Variants in PNPT1 observed in about 807,000 individuals in gnomAD.
PNPT1 encodes polyribonucleotide nucleotidyltransferase 1.
A neutral mutation model predicts 119.5 loss-of-function variants in PNPT1; 53 were observed. The observed-to-expected ratio is 0.44, with a 90% CI of 0.36 to 0.56. PNPT1 has a LOEUF of 0.56. PNPT1 is among the 20% of genes least tolerant of loss of function. PNPT1 has a pLI of 0.00. For missense variants in PNPT1, 948 were observed against 938.5 expected, an observed-to-expected ratio of 1.01 and a Z score of -0.13; for synonymous variants, 357 against 322.1, an observed-to-expected ratio of 1.11 and a Z score of -1.16.
chr2:55,642,868 G>A (rs193154141), intron 25 of PNPT1, among the ~76,000 whole-genome samples: 14 of 152,264 alleles, frequency 9.2e-5, no homozygotes, highest in Middle Eastern at 3.4e-3. Flanking sequence ...TGTAATCCTG[G>A]CACTTTGGGA....
chr2:55,636,810 T>A (rs1695689023), intron 27 of PNPT1, among the ~76,000 whole-genome samples: 1 of 152,214 alleles, frequency 6.6e-6, no homozygotes, highest in South Asian at 2.1e-4. Context: ...TTTATTTGGC[T>A]TCACCTTGGA....
chr2:55,637,596 T>C lies in PNPT1; in HGVS notation c.2152A>G (p.Lys718Glu), dbSNP rs1161608545. Residue 718 changes from lysine to glutamate, a missense_variant, in exon 27 of 28, where the codon AAA becomes GAA. Transcript: ENST00000447944. ...HNTQLDQRKI[K>E]HPTALGLEVG... Reference sequence around the variant, plus strand: ...TCTAATCCTAGGGCAGTAGGATGTTTAATCTGGAAAAAAAAATGTTAATCT... The same window carrying C: ...TCTAATCCTAGGGCAGTAGGATGTTCAATCTGGAAAAAAAAATGTTAATCT... 4 of 1,600,708 alleles carry C rather than the reference T, an allele frequency of 2.5e-6. No homozygotes were observed. Among genetic ancestry groups the C allele is most frequent in the Non-Finnish European group, 2.6e-6 (3 of 1,168,002 alleles).
rs773634635 is a variant in PNPT1, at chr2:55,686,367, T to TA, written c.297+2dup. The TA allele has an allele frequency of 1.7e-5, 27 of 1,606,152 alleles. No individual in the cohort carries two copies. Among genetic ancestry groups the TA allele is most frequent in the Non-Finnish European group, 2.0e-5 (23 of 1,172,852 alleles). ...CAGTTCAGATAAATCAGCAAATACT[T>TA]ACCACCAAAGGCATAAACTGGGAAG... On this transcript the variant is annotated splice_region_variant and intron_variant, in intron 3 of 27. Transcript: ENST00000447944.
intron 5 of PNPT1, among the ~76,000 whole-genome samples, chr2:55,683,255 G>C (rs1697302546): frequency 6.6e-6 from 1 of 152,074 alleles, no homozygotes; most frequent in Admixed American, 6.6e-5. Context: ...ACCTTGGTTG[G>C]CTAACTCCTA....
intron 14 of PNPT1, among the ~76,000 whole-genome samples, chr2:55,661,320 T>A (rs1244183991): frequency 6.6e-6 from 1 of 151,984 alleles, no homozygotes; most frequent in Non-Finnish European, 1.5e-5. Flanking sequence ...CTTGGTCTCC[T>A]GACTTCAGGA....
At chr2:55,684,404 C>T (rs1381618002) in intron 4 of PNPT1, among the ~76,000 whole-genome samples, 4 of 152,124 alleles carry the variant, frequency 2.6e-5, no homozygotes, top group Non-Finnish European at 5.9e-5. Flanking sequence ...GTAGAGGTTG[C>T]AGTGAGCCGA....
intron 7 of PNPT1, among the ~76,000 whole-genome samples, chr2:55,680,400 G>A (rs1202426099): frequency 1.4e-5 from 2 of 141,990 alleles, no homozygotes; most frequent in Non-Finnish European, 1.5e-5. Context: ...TCCTGAAGGA[G>A]TATATACTCT....
chr2:55,636,574 G>A (rs377173852), intron 27 of PNPT1, among the ~76,000 whole-genome samples, 182 bp from the exon 28 acceptor site: 37 of 152,280 alleles, frequency 2.4e-4, no homozygotes, highest in African/African-American at 8.4e-4. Context: ...CATTATAAAA[G>A]AGAAAAGAGA....
At chr2:55,666,051 A>G (rs551801631) in intron 13 of PNPT1, among the ~76,000 whole-genome samples, 9 of 152,316 alleles carry the variant, frequency 5.9e-5, no homozygotes, top group Admixed American at 5.9e-4. Flanking sequence ...AATATGCCAT[A>G]AACTAGAGTC....
At chr2:55,676,701 A>C (rs1697083256) in intron 8 of PNPT1, among the ~76,000 whole-genome samples, 1 of 152,034 alleles carries the variant, frequency 6.6e-6, no homozygotes, top group Non-Finnish European at 1.5e-5. Context: ...GTCTCTACTA[A>C]AAACACAAAA....
chr2:55,691,878 A>ATATATATATT (rs1326804958), intron 1 of PNPT1, among the ~76,000 whole-genome samples: 12 of 33,098 alleles, frequency 3.6e-4, no homozygotes, highest in Middle Eastern at 0.031. Flanking sequence ...ATATATATAT[A>ATATATATATT]TTTTTTTTTT....
chr2:55,671,947 A>C (rs760222010), intron 10 of PNPT1, 48 bp downstream of exon 10: 2 of 1,402,982 alleles, frequency 1.4e-6, no homozygotes, highest in Non-Finnish European at 2.0e-6. Flanking sequence ...TTATGACAAA[A>C]ATGTATTCCT....
chr2:55,657,973 T>C (rs1489790770), intron 15 of PNPT1, among the ~76,000 whole-genome samples: 1 of 148,618 alleles, frequency 6.7e-6, no homozygotes, highest in East Asian at 2.0e-4. Context: ...CATAGTGGCT[T>C]ATGTCTGTAA....
In PNPT1 at chr2:55,635,753, G is replaced by A. The variant is rs1467888027; in HGVS notation, c.*484C>T. 5 of 152,308 alleles carry A rather than the reference G, an allele frequency of 3.3e-5. No homozygotes were observed. The highest frequency in any genetic ancestry group is 1.2e-4 in the African/African-American group (5 of 41,432). 9.4% of individuals were successfully genotyped at this position (152,308 alleles called of 1,614,324 possible). A position where few individuals can be genotyped will look rare whatever the true frequency, so the allele number is the denominator to read the frequency against. ...ACTCACTATATCTGTTAACAGTTCT[G>A]AAGAAATAGGCACTGGCTTTGAATA... On this transcript the variant is annotated 3_prime_UTR_variant, in exon 28 of 28. Coordinates refer to ENST00000447944, the MANE Select transcript of PNPT1 (RefSeq NM_033109.5).
rs960378787 is a variant in PNPT1, at chr2:55,683,767, A to C, written c.453+18T>G. 21 of 1,603,456 alleles carry C rather than the reference A, an allele frequency of 1.3e-5. No homozygotes were observed. Among genetic ancestry groups the C allele is most frequent in the Non-Finnish European group, 1.8e-5 (21 of 1,172,150 alleles). ...TTTTGATTGATCTGGCAACTAAAAA[A>C]CCTAAAGCAGAATCTACCTGTGTAT... On this transcript the variant is annotated intron_variant, in intron 5 of 27. Coordinates refer to ENST00000447944, the MANE Select transcript of PNPT1 (RefSeq NM_033109.5).
intron 8 of PNPT1, among the ~76,000 whole-genome samples, chr2:55,678,231 T>C (rs1464787497): frequency 6.6e-6 from 1 of 152,192 alleles, no homozygotes; most frequent in Non-Finnish European, 1.5e-5. Context: ...AGGAAACCAA[T>C]ACTTTGCTCA....
intron 26 of PNPT1, 30 bp from the exon 27 acceptor site, chr2:55,637,629 G>A (rs1201839599): frequency 6.5e-7 from 1 of 1,535,798 alleles, no homozygotes; most frequent in Non-Finnish European, 9.0e-7. Flanking sequence ...TCTATTAGTT[G>A]TTGTGCATAA....
chr2:55,677,873 G>T (rs2104146483), intron 8 of PNPT1, among the ~76,000 whole-genome samples: 1 of 151,968 alleles, frequency 6.6e-6, no homozygotes, highest in Admixed American at 6.6e-5. Flanking sequence ...CCAGTAGCTG[G>T]GACTACAGGC....
intron 8 of PNPT1, among the ~76,000 whole-genome samples, chr2:55,677,987 T>A (rs782622): frequency 6.6e-6 from 1 of 151,878 alleles, no homozygotes; most frequent in Non-Finnish European, 1.5e-5. Context: ...GTGATCTGCC[T>A]GCCTCGGCCT....
Sources: gnomAD v4.1 joint callset for allele counts (sites outside exome capture counted in the v4.1 genomes callset) on GRCh38, gnomAD v4.1.1 for gene constraint, MANE v1.5 for transcripts, NCBI Gene and HGNC (gene_info 2026-07-23, HGNC 2026-07-21) for gene names.